EAF1: variants seen among roughly 807,000 people sequenced by gnomAD.
EAF1 encodes ELL-associated factor 1.
In EAF1, 19 loss-of-function variants were observed where a neutral mutation model predicts 26.6. The observed-to-expected ratio is 0.71, with a 90% confidence interval of 0.50 to 1.05. The LOEUF (loss-of-function observed/expected upper bound fraction) is 1.05, where lower values mean the gene tolerates loss of function less well. EAF1 is among the 50% of genes least tolerant of loss of function. EAF1 has a pLI of 0.00. For missense variants in EAF1, 260 were observed against 335.5 expected, an observed-to-expected ratio of 0.78 and a Z score of 1.76; for synonymous variants, 102 against 120.6, an observed-to-expected ratio of 0.85 and a Z score of 1.01.
intron 2 of EAF1, among the ~76,000 whole-genome samples, chr3:15,430,471 A>G (rs2061795982): frequency 6.6e-6 from 1 of 151,894 alleles, no homozygotes; most frequent in South Asian, 2.1e-4. Context: ...AAAAAAAAAA[A>G]AAAAAGATTA....
intron 3 of EAF1, among the ~76,000 whole-genome samples, chr3:15,432,579 C>A (rs372488118): frequency 6.6e-6 from 1 of 152,070 alleles, no homozygotes; most frequent in Non-Finnish European, 1.5e-5. Flanking sequence ...CTATACTTAA[C>A]TGGAGTGAAA....
intron 3 of EAF1, among the ~76,000 whole-genome samples, chr3:15,434,095 C>T (rs191727040): frequency 5.3e-5 from 8 of 152,278 alleles, no homozygotes; most frequent in African/African-American, 1.9e-4. Flanking sequence ...GTTTGCTATA[C>T]ATTTGAGCTC....
Position 15,439,654 on chromosome 3 carries a change from C to G in EAF1, c.*499C>G, listed in dbSNP as rs997057130. On this transcript the variant is annotated 3_prime_UTR_variant, in exon 6 of 6. Transcript: ENST00000396842. ...ACACAAAGTGGTAAGGAAGTTTTGT[C>G]TGACTCAGCCTGACAAGCCTGGATA... The G allele has an allele frequency of 6.6e-6, 1 of 152,460 alleles. No individual in the cohort carries two copies. The highest frequency in any genetic ancestry group is 1.5e-5 in the Non-Finnish European group (1 of 68,234). 9.4% of individuals were successfully genotyped at this position (152,460 alleles called of 1,614,324 possible).
rs375782986 is a variant in EAF1 at position 15,436,395 on chromosome 3, A to G, written c.580A>G (p.Ser194Gly). 18 of 1,613,732 alleles carry G rather than the reference A, an allele frequency of 1.1e-5. No homozygotes were observed. The highest frequency in any genetic ancestry group is 1.4e-5 in the Non-Finnish European group (17 of 1,179,750). ...ACAAATGAGCAGCAGCAGTGGGAGC[A>G]GCTCTTCAGACTCTGAGAGCTCTTC... ...IEQMSSSSGS[S>G]SSDSESSSGS... The change falls in exon 5 of 6, where the codon AGC becomes GGC. Residue 194 changes from serine to glycine, a missense_variant. Physicochemically the swap from Ser to Gly is moderately conservative, Grantham distance 56 (BLOSUM62 0). Transcript: ENST00000396842.
chr3:15,432,640 A>G (rs2061808579), intron 3 of EAF1, among the ~76,000 whole-genome samples: 2 of 152,192 alleles, frequency 1.3e-5, no homozygotes, highest in South Asian at 2.1e-4. Flanking sequence ...TACCAAAATA[A>G]AACTTTGCCT....
chr3:15,428,088 T>C lies in EAF1; in HGVS notation c.103+206T>C, dbSNP rs1041643594. Among the ~76,000 whole-genome samples the C allele has an allele frequency of 8.5e-5, 13 of 152,240 alleles. No individual in the cohort carries two copies. The South Asian group carries it at 2.7e-3, about 32-fold the overall frequency. On this transcript the variant is annotated intron_variant, in intron 1 of 5. Coordinates refer to ENST00000396842, the MANE Select transcript of EAF1 (RefSeq NM_033083.7). ...TTTCTCCCAAATCTTCGTCACTCCC[T>C]ACTATTCTTCTACCTCACAGTCTCA...
chr3:15,438,223 A>G (rs1316368721), intron 5 of EAF1, among the ~76,000 whole-genome samples: 1 of 152,196 alleles, frequency 6.6e-6, no homozygotes, highest in Non-Finnish European at 1.5e-5. Flanking sequence ...ATGTATTCCT[A>G]TTGTATTAGA....
chr3:15,427,861 G>A lies in EAF1; in HGVS notation c.82G>A (p.Ala28Thr). 7.7e-6 allele frequency: 12 copies of A among 1,550,358 alleles called. No homozygotes were observed. The highest frequency in any genetic ancestry group is 2.5e-5 in the East Asian group (1 of 40,794). The change falls in exon 1 of 6, where the codon GCC (alanine) becomes ACC (threonine). Residue 28 changes from alanine (A) to threonine (T), a missense_variant. By Grantham distance (58) the Ala-to-Thr change is moderately conservative. Coordinates refer to ENST00000396842, the MANE Select transcript of EAF1 (RefSeq NM_033083.7). ...LGESFEKRPR[A>T]SFHTIRYDFK... ...GGAGAGCTTCGAGAAGCGGCCGCGGGCCTCCTTCCACACTATTCGTTGTAA... is the reference window on the plus strand; with the variant it reads ...GGAGAGCTTCGAGAAGCGGCCGCGGACCTCCTTCCACACTATTCGTTGTAA...
chr3:15,430,031 TTA>T, intron 2 of EAF1, 24 bp downstream of exon 2: 1 of 1,431,444 alleles, frequency 7.0e-7, no homozygotes, highest in Non-Finnish European at 9.7e-7. Flanking sequence ...ATTTTTTTTT[TTA>T]ATGTAAGATC....
In EAF1 at chr3:15,441,487, AC is replaced by A. The variant is rs2061869636; in HGVS notation, c.*2334del. 2.2e-5 allele frequency: 2 copies of A among 92,914 alleles called. No homozygotes were observed. Among genetic ancestry groups the A allele is most frequent in the South Asian group, 3.3e-4 (1 of 3,006 alleles). 5.8% of individuals were successfully genotyped at this position (92,914 alleles called of 1,614,324 possible). On this transcript the variant is annotated 3_prime_UTR_variant, in exon 6 of 6. Coordinates refer to ENST00000396842, the MANE Select transcript of EAF1 (RefSeq NM_033083.7). ...TGGAGTGCCCTGTGTGTACATACTG[AC>A]CTTTTTTTTTTTTTTTTTTTTTTGC... is the stretch of plus-strand genomic sequence containing the variant.
At position 15,436,532 on chromosome 3, in the gene EAF1, A is replaced by T; in HGVS notation, c.717A>T (p.Gly239=). 1 of 1,592,502 alleles carries T rather than the reference A, an allele frequency of 6.3e-7. No homozygotes were observed. The highest frequency in any genetic ancestry group is 1.1e-5 in the South Asian group (1 of 90,604). ...ACAGTAGGCCTGCCGTTGCCAATGG[A>T]ACCAGCCGGCCACAAGGAAGCAACC... The part of the protein sequence containing the change: ...PYNSRPAVAN[G]TSRPQGSNQL... The change falls in exon 5 of 6, where the codon GGA becomes GGT. Residue 239 remains glycine, a synonymous_variant. Transcript: ENST00000396842.
rs1438634944 is a variant in EAF1 at position 15,427,717 on chromosome 3, A to G, written c.-63A>G. Reference sequence around the variant, plus strand: ...CACAGTCCTCCCAGACGCCAGCGCCAGAAGCTCGGATCGCGGCTGCACCGG... The same window carrying G: ...CACAGTCCTCCCAGACGCCAGCGCCGGAAGCTCGGATCGCGGCTGCACCGG... On this transcript the variant is annotated 5_prime_UTR_variant, in exon 1 of 6. Transcript: ENST00000396842. 2.0e-6 allele frequency: 3 copies of G among 1,506,288 alleles called. No individual in the cohort carries two copies. The highest frequency in any genetic ancestry group is 4.9e-5 in the East Asian group (2 of 40,476). 93.3% of individuals were successfully genotyped at this position (1,506,288 alleles called of 1,614,324 possible).
At chr3:15,431,939 A>G in intron 2 of EAF1, 148 bp from the exon 3 acceptor site, 2 of 902,602 alleles carry the variant, frequency 2.2e-6, no homozygotes, top group Non-Finnish European at 3.2e-6. Context: ...CTCGGAAACC[A>G]GAAGGAGATA....
intron 4 of EAF1, 66 bp from the exon 5 acceptor site, chr3:15,436,276 A>G: frequency 8.1e-7 from 1 of 1,236,828 alleles, no homozygotes. Context: ...TACTATTTAT[A>G]GAAGCTCCAA....
chr3:15,436,767 A>G (rs1362276457), intron 5 of EAF1, 192 bp downstream of exon 5: 8 of 480,474 alleles, frequency 1.7e-5, no homozygotes, highest in Non-Finnish European at 2.6e-5. Context: ...TGTTCTTTCT[A>G]TTTCTATTCC....
Position 15,439,571 on chromosome 3 carries a change from G to C in EAF1, c.*416G>C, listed in dbSNP as rs2061854392. The C allele has an allele frequency of 6.2e-6, 1 of 160,130 alleles. No homozygotes were observed. The highest frequency in any genetic ancestry group is 1.4e-5 in the Non-Finnish European group (1 of 73,390). The allele number at this position is 160,130 out of a possible 1,614,324, so 9.9% of individuals were successfully genotyped here. On this transcript the variant is annotated 3_prime_UTR_variant, in exon 6 of 6. Coordinates refer to ENST00000396842, the MANE Select transcript of EAF1 (RefSeq NM_033083.7). ...AATGAAGTCTTTGATGGGTAGGAGA[G>C]AGAGGGAAAACCTCAAACTACATCA...
chr3:15,436,377 A>C lies in EAF1; in HGVS notation c.562A>C (p.Ser188Arg). The C allele has an allele frequency of 6.2e-7, 1 of 1,613,076 alleles. No homozygotes were observed. Among genetic ancestry groups the C allele is most frequent in the Non-Finnish European group, 8.5e-7 (1 of 1,179,182 alleles). Residue 188 changes from serine (S) to arginine (R), a missense_variant, in exon 5 of 6, where the codon AGC (serine) becomes CGC (arginine). Transcript: ENST00000396842. ...TGAAGTTGACATTATTGAACAAATGAGCAGCAGCAGTGGGAGCAGCTCTTC... is the reference window on the plus strand; with the variant it reads ...TGAAGTTGACATTATTGAACAAATGCGCAGCAGCAGTGGGAGCAGCTCTTC... ...RAEVDIIEQM[S>R]SSSGSSSSDS... is the part of the protein sequence containing the mutation.
intron 2 of EAF1, among the ~76,000 whole-genome samples, chr3:15,431,019 G>C (rs1253628665): frequency 1.3e-5 from 2 of 152,246 alleles, no homozygotes; most frequent in East Asian, 3.9e-4. Flanking sequence ...TTGGACCTTA[G>C]TTTCCCATAT....
Position 15,427,679 on chromosome 3 carries a change from G to T in EAF1, c.-101G>T. ...CTCGGCTCTCCTTGTCTTCCAGAGC[G>T]GTGGCCCGGAAGCACAGTCCTCCCA... is the stretch of plus-strand genomic sequence containing the variant. On this transcript the variant is annotated 5_prime_UTR_variant, in exon 1 of 6. Transcript: ENST00000396842. 1.6e-6 allele frequency: 2 copies of T among 1,244,172 alleles called. No homozygotes were observed. Among genetic ancestry groups the T allele is most frequent in the Non-Finnish European group, 1.1e-6 (1 of 876,208 alleles). 77.1% of individuals were successfully genotyped at this position (1,244,172 alleles called of 1,614,324 possible).
Sources: gnomAD v4.1 joint callset for allele counts (sites outside exome capture counted in the v4.1 genomes callset) on GRCh38, gnomAD v4.1.1 for gene constraint, MANE v1.5 for transcripts, NCBI Gene and HGNC (gene_info 2026-07-23, HGNC 2026-07-21) for gene names.